NR1H2: variants seen among roughly 807,000 people sequenced by gnomAD.
The protein encoded by NR1H2 is oxysterols receptor LXR-beta.
In NR1H2, 33 loss-of-function variants were observed where a neutral mutation model predicts 51.2. The ratio of observed to expected loss-of-function variants is 0.64; its 90% CI spans 0.49 to 0.86. The LOEUF (loss-of-function observed/expected upper bound fraction) is 0.86. NR1H2 is among the 40% of genes least tolerant of loss of function. The pLI, the probability that NR1H2 is intolerant of heterozygous loss-of-function variation, is 0.00. For synonymous variants in NR1H2, 310 were observed against 264.3 expected, an observed-to-expected ratio of 1.17 and a Z score of -1.68; for missense variants, 592 against 639.9, an observed-to-expected ratio of 0.93 and a Z score of 0.81.
intron 9 of NR1H2, 40 bp downstream of exon 9, chr19:50,382,214 C>T (rs1281235106): frequency 1.4e-6 from 2 of 1,477,580 alleles, no homozygotes; most frequent in Non-Finnish European, 1.8e-6. Context: ...CCAACTACGT[C>T]CCGCGGCCCA....
chr19:50,379,961 C>A, intron 8 of NR1H2, 82 bp downstream of exon 8: 1 of 914,980 alleles, frequency 1.1e-6, no homozygotes, highest in South Asian at 1.3e-5. Context: ...CTGTTGGAGT[C>A]TCTGTTTCTT....
At position 50,378,380 on chromosome 19, in the gene NR1H2, G is replaced by A. The variant is rs774908466; in HGVS notation, c.413G>A (p.Arg138Gln). ...ACCTGCCAGATGGACGCTTTCATGC[G>A]GCGCAAGTGCCAGCAGTGCCGGCTG... ...GGTCQMDAFM[R>Q]RKCQQCRLRK... Residue 138 changes from arginine to glutamine, a missense_variant, in exon 5 of 10, where the codon CGG (arginine) becomes CAG (glutamine). Arg to Gln is a conservative substitution (Grantham distance 43, BLOSUM62 1). Around this residue, in one of 3 missense-constraint regions of NR1H2, gnomAD observed 316 missense variants for 313.4 expected, o/e 1.01. Coordinates refer to ENST00000253727, the MANE Select transcript of NR1H2 (RefSeq NM_007121.7). 19 of 1,608,820 alleles carry A rather than the reference G, an allele frequency of 1.2e-5. No individual in the cohort carries two copies. Among genetic ancestry groups the A allele is most frequent in the Non-Finnish European group, 1.6e-5 (19 of 1,176,462 alleles).
Position 50,379,928 on chromosome 19 carries a change from G to T in NR1H2, c.1027+49G>T, listed in dbSNP as rs747621966. ...GGAGGCTTGGCGCCCCTGCTGGCTG[G>T]AAGACCTGGGGCCAACTCATCCCTG... On this transcript the variant is annotated intron_variant, in intron 8 of 9. Coordinates refer to ENST00000253727, the MANE Select transcript of NR1H2 (RefSeq NM_007121.7). 7 of 1,235,810 alleles carry T rather than the reference G, an allele frequency of 5.7e-6. No homozygotes were observed. The East Asian group carries it at 1.2e-4, about 20-fold the overall frequency. 76.6% of individuals were successfully genotyped at this position (1,235,810 alleles called of 1,614,324 possible).
In NR1H2 at chr19:50,379,811, A is replaced by G. The variant is rs1486375669; in HGVS notation, c.959A>G (p.Asn320Ser). The G allele has an allele frequency of 2.5e-6, 4 of 1,614,048 alleles. No individual in the cohort carries two copies. The highest frequency in any genetic ancestry group is 2.2e-5 in the South Asian group (2 of 91,084). The change falls in exon 8 of 10, where the codon AAC becomes AGC. Residue 320 changes from asparagine (N) to serine (S), a missense_variant. Physicochemically the swap from Asn to Ser is conservative, Grantham distance 46 (BLOSUM62 1). Transcript: ENST00000253727. The part of the protein sequence containing the change: ...IMLLETARRY[N>S]HETECITFLK... ...CTGCTAGAGACAGCCAGGCGCTACA[A>G]CCACGAGACAGAGTGTATCACCTTC... is the stretch of plus-strand genomic sequence containing the variant.
rs557400951 is a variant in NR1H2 at position 50,382,673 on chromosome 19, C to T, written c.*71C>T. On this transcript the variant is annotated 3_prime_UTR_variant, in exon 10 of 10. Transcript: ENST00000253727. Reference sequence around the variant, plus strand: ...CAGATAGACGCCGGCACCCCTTCCTCTTCCTAGGGTGGAAGGGGCCCTGGG... The same window carrying T: ...CAGATAGACGCCGGCACCCCTTCCTTTTCCTAGGGTGGAAGGGGCCCTGGG... The T allele has an allele frequency of 3.4e-6, 5 of 1,470,448 alleles. No homozygotes were observed. The highest frequency in any genetic ancestry group is 2.7e-5 in the South Asian group (2 of 74,182). The allele number at this position is 1,470,448 out of a possible 1,614,324, so 91.1% of individuals were successfully genotyped here. A position where few individuals can be genotyped will look rare whatever the true frequency, so the allele number is the denominator to read the frequency against.
chr19:50,379,050 C>T lies in NR1H2; in HGVS notation c.796C>T (p.Arg266Cys). Residue 266 changes from arginine to cysteine, a missense_variant, in exon 7 of 10, where the codon CGC becomes TGC. By Grantham distance (180) the Arg-to-Cys change is radical. Around this residue, in one of 3 missense-constraint regions of NR1H2, gnomAD observed 102 missense variants for 152.4 expected, o/e 0.67. Coordinates refer to ENST00000253727, the MANE Select transcript of NR1H2 (RefSeq NM_007121.7). Reference sequence around the variant, plus strand: ...CCAGTCCCGAGATGCCCGCCAGCAACGCTTTGCCCACTTCACGGAGCTGGC... The same window carrying T: ...CCAGTCCCGAGATGCCCGCCAGCAATGCTTTGCCCACTTCACGGAGCTGGC... ...DPQSRDARQQRFAHFTELAII... is the reference protein window; with the variant it reads ...DPQSRDARQQCFAHFTELAII... 1 of 1,613,722 alleles carries T rather than the reference C, an allele frequency of 6.2e-7. No individual in the cohort carries two copies. Among genetic ancestry groups the T allele is most frequent in the Non-Finnish European group, 8.5e-7 (1 of 1,179,932 alleles).
At position 50,382,392 on chromosome 19, in the gene NR1H2, G is replaced by T. The variant is rs79231893; in HGVS notation, c.1237-64G>T. 1.5e-3 allele frequency: 2,247 copies of T among 1,528,662 alleles called. 32 individuals carry two copies. In the African/African-American group the frequency reaches 0.028, roughly 19 times the overall value. The allele number at this position is 1,528,662 out of a possible 1,614,324, so 94.7% of individuals were successfully genotyped here. A position where few individuals can be genotyped will look rare whatever the true frequency, so the allele number is the denominator to read the frequency against. On this transcript the variant is annotated intron_variant, in intron 9 of 9. Transcript: ENST00000253727. ...GGGGAGGGGCCCTCCTTTCTGTTGG[G>T]GTGGGCCTCCCAAAGCCTGGCAGGG...
intron 8 of NR1H2, among the ~76,000 whole-genome samples, chr19:50,380,530 C>T (rs758472265): frequency 1.3e-5 from 2 of 152,210 alleles, no homozygotes; most frequent in Admixed American, 6.5e-5. Flanking sequence ...CCCACAATCT[C>T]TGGGGGACCT....
Position 50,378,290 on chromosome 19 carries a change from A to G in NR1H2, c.323A>G (p.Lys108Arg). The G allele has an allele frequency of 6.2e-7, 1 of 1,613,544 alleles. No homozygotes were observed. Among genetic ancestry groups the G allele is most frequent in the Non-Finnish European group, 8.5e-7 (1 of 1,180,028 alleles). The part of the protein sequence containing the change: ...HYNVLSCEGC[K>R]GFFRRSVVRG... Reference sequence around the variant, plus strand: ...AACGTGCTCAGCTGCGAAGGCTGCAAGGGCTTCTTCCGGCGCAGTGTGGTC... The same window carrying G: ...AACGTGCTCAGCTGCGAAGGCTGCAGGGGCTTCTTCCGGCGCAGTGTGGTC... Residue 108 changes from lysine (K) to arginine (R), a missense_variant, in exon 5 of 10, where the codon AAG becomes AGG. Around this residue, in one of 3 missense-constraint regions of NR1H2, gnomAD observed 316 missense variants for 313.4 expected, o/e 1.01. Coordinates refer to ENST00000253727, the MANE Select transcript of NR1H2 (RefSeq NM_007121.7).
Position 50,379,161 on chromosome 19 carries a change from C to T in NR1H2, c.907C>T (p.Leu303=), listed in dbSNP as rs773498673. The part of the protein sequence containing the change: ...QLGREDQIAL[L]KASTIEIMLL... ...GGGCCGGGAGGACCAGATCGCCCTC[C>T]TGAAGGCATCCACTATCGAGGTAAT... Residue 303 remains leucine, a synonymous_variant, in exon 7 of 10, where the codon CTG becomes TTG. Coordinates refer to ENST00000253727, the MANE Select transcript of NR1H2 (RefSeq NM_007121.7). The T allele has an allele frequency of 2.5e-6, 4 of 1,612,768 alleles. No homozygotes were observed. In the South Asian group the frequency reaches 4.4e-5, roughly 18 times the overall value.
In NR1H2 at chr19:50,379,082, C is replaced by G. The variant is rs968109212; in HGVS notation, c.828C>G (p.Ile276Met). The G allele has an allele frequency of 1.2e-6, 2 of 1,613,940 alleles. No individual in the cohort carries two copies. The highest frequency in any genetic ancestry group is 2.7e-5 in the African/African-American group (2 of 74,938). Residue 276 changes from isoleucine (I) to methionine (M), a missense_variant, in exon 7 of 10, where the codon ATC (isoleucine) becomes ATG (methionine). This residue lies in a region of NR1H2 where 102 missense variants were observed against 152.4 expected (regional missense o/e 0.67). Coordinates refer to ENST00000253727, the MANE Select transcript of NR1H2 (RefSeq NM_007121.7). ...RFAHFTELAI[I>M]SVQEIVDFAK... ...CCCACTTCACGGAGCTGGCCATCAT[C>G]TCAGTCCAGGAGATCGTGGACTTCG... is the stretch of plus-strand genomic sequence containing the variant.
Position 50,377,875 on chromosome 19 carries a change from G to C in NR1H2, c.181+5G>C. 2 of 1,548,104 alleles carry C rather than the reference G, an allele frequency of 1.3e-6. No homozygotes were observed. Among genetic ancestry groups the C allele is most frequent in the Non-Finnish European group, 1.7e-6 (2 of 1,152,480 alleles). Reference sequence around the variant, plus strand: ...CAGCCTGCAGCACAGACTGGGGTGAGACAGGGCCCTGGAGTTGATGTGGGG... The same window carrying C: ...CAGCCTGCAGCACAGACTGGGGTGACACAGGGCCCTGGAGTTGATGTGGGG... On this transcript the variant is annotated splice_donor_5th_base_variant and intron_variant, in intron 4 of 9. Coordinates refer to ENST00000253727, the MANE Select transcript of NR1H2 (RefSeq NM_007121.7).
At chr19:50,378,916 C>G in intron 6 of NR1H2, 86 bp from the exon 7 acceptor site, 1 of 1,548,620 alleles carries the variant, frequency 6.5e-7, no homozygotes, top group South Asian at 1.2e-5. Context: ...AAGAGGATCC[C>G]CCAGGGTGCA....
intron 7 of NR1H2, among the ~76,000 whole-genome samples, chr19:50,379,456 G>A (rs1372579795): frequency 1.3e-5 from 2 of 152,200 alleles, no homozygotes; most frequent in African/African-American, 4.8e-5. Context: ...TATTGAGCAC[G>A]TGCTGTATGC....
Position 50,379,200 on chromosome 19 carries a change from A to G in NR1H2, c.927+19A>G. 3 of 1,600,258 alleles carry G rather than the reference A, an allele frequency of 1.9e-6. No homozygotes were observed. The highest frequency in any genetic ancestry group is 1.7e-6 in the Non-Finnish European group (2 of 1,172,924). On this transcript the variant is annotated intron_variant, in intron 7 of 9. Transcript: ENST00000253727. The stretch of plus-strand genomic sequence containing the variant: ...TATCGAGGTAATGGTCCATCTGCCC[A>G]CAAGGAACCCCAGAGATAGCTCCAG...
intron 6 of NR1H2, 86 bp downstream of exon 6, chr19:50,378,882 G>T: frequency 6.4e-7 from 1 of 1,561,344 alleles, no homozygotes; most frequent in Non-Finnish European, 8.7e-7. Context: ...GGAGAATGAG[G>T]CTCCAGAGGG....
In NR1H2 at chr19:50,378,717, A is replaced by G. The variant is rs1002797382; in HGVS notation, c.668A>G (p.Gln223Arg). ...GAGGGTGTCCAGCTAACAGCGGCTC[A>G]AGAACTAATGATCCAGCAGTTGGTG... Reference protein sequence around the residue: ...EGEGVQLTAAQELMIQQLVAA... With the variant: ...EGEGVQLTAARELMIQQLVAA... The change falls in exon 6 of 10, where the codon CAA (glutamine) becomes CGA (arginine). Residue 223 changes from glutamine to arginine, a missense_variant. Coordinates refer to ENST00000253727, the MANE Select transcript of NR1H2 (RefSeq NM_007121.7). 1 of 1,613,734 alleles carries G rather than the reference A, an allele frequency of 6.2e-7. No homozygotes were observed. Among genetic ancestry groups the G allele is most frequent in the African/African-American group, 1.3e-5 (1 of 74,934 alleles).
Position 50,382,027 on chromosome 19 carries a change from C to G in NR1H2, c.1089C>G (p.Gly363=), listed in dbSNP as rs1243847236. 5 of 1,567,568 alleles carry G rather than the reference C, an allele frequency of 3.2e-6. No homozygotes were observed. The highest frequency in any genetic ancestry group is 4.3e-6 in the Non-Finnish European group (5 of 1,155,834). The part of the protein sequence containing the change: ...FEFSRAMRRL[G]LDDAEYALLI... Reference sequence around the variant, plus strand: ...TCTCGCGGGCCATGCGGCGGCTGGGCCTGGACGACGCTGAGTACGCCCTGC... The same window carrying G: ...TCTCGCGGGCCATGCGGCGGCTGGGGCTGGACGACGCTGAGTACGCCCTGC... The change falls in exon 9 of 10, where the codon GGC becomes GGG. Residue 363 remains glycine, a synonymous_variant. Transcript: ENST00000253727.
At chr19:50,377,543 C>G in intron 2 of NR1H2, 44 bp from the exon 3 acceptor site, 2 of 1,518,196 alleles carry the variant, frequency 1.3e-6, no homozygotes, top group South Asian at 2.3e-5. Flanking sequence ...CCTAACCTAA[C>G]CCTTCTTAGC....
Sources: allele counts gnomAD v4.1 joint callset (sites outside exome capture counted in the v4.1 genomes callset), GRCh38; gene constraint gnomAD v4.1.1; regional missense constraint gnomAD v4.1.1; transcripts MANE v1.5; gene names NCBI Gene and HGNC (gene_info 2026-07-23, HGNC 2026-07-21).